Variants in NME1 observed in about 807,000 individuals in gnomAD.
NME1 encodes the protein nucleoside diphosphate kinase A.
Under a neutral mutation model 17.2 loss-of-function variants are expected in NME1, and 9 were observed. The observed-to-expected ratio is 0.52, with a 90% confidence interval of 0.32 to 0.92. The LOEUF (loss-of-function observed/expected upper bound fraction) is 0.92, where lower values mean the gene tolerates loss of function less well. Ranked by LOEUF, NME1 falls within the 40% of genes least tolerant of loss-of-function variation. The pLI is 0.04. For synonymous variants in NME1, 72 were observed against 70.8 expected (o/e 1.02, Z -0.09); for missense variants, 169 against 201.7 (o/e 0.84, Z 0.98).
intron 2 of NME1, chr17:51,156,249 A>G (rs2144860123): frequency 4.6e-6 from 1 of 216,022 alleles, no homozygotes; most frequent in Admixed American, 5.3e-5. Context: ...GTGGAGGAAA[A>G]CTATGGTTTT....
At chr17:51,155,363 A>G (rs1056439166) in intron 1 of NME1, among the ~76,000 whole-genome samples, 5 of 152,262 alleles carry the variant, frequency 3.3e-5, no homozygotes, top group African/African-American at 7.2e-5. Context: ...AGCGTGGGCA[A>G]CATAGCGAAA....
At chr17:51,154,412 C>A (rs1203761998) in intron 1 of NME1, 2 of 1,613,998 alleles carry the variant, frequency 1.2e-6, no homozygotes, top group Non-Finnish European at 1.7e-6. Flanking sequence ...TCTTTCAAGG[C>A]GAGGGGCCTC....
In NME1 at chr17:51,155,633, C is replaced by T. The variant is rs950417624; in HGVS notation, c.-4-18C>T. The T allele has an allele frequency of 3.1e-6, 5 of 1,613,158 alleles. No homozygotes were observed. Among genetic ancestry groups the T allele is most frequent in the East Asian group, 2.2e-5 (1 of 44,870 alleles). On this transcript the variant is annotated intron_variant, in intron 1 of 4. Coordinates refer to ENST00000393196, the MANE Select transcript of NME1 (RefSeq NM_000269.3). The stretch of plus-strand genomic sequence containing the variant: ...AGTGATTCACTGCTGTTTCATTCCT[C>T]TACCTGCCTATCCCCAGAACCATGG...
intron 2 of NME1, among the ~76,000 whole-genome samples, chr17:51,159,582 G>C (rs916027903): frequency 2.6e-5 from 4 of 152,094 alleles, no homozygotes; most frequent in African/African-American, 9.7e-5. Flanking sequence ...GGGTGACAGA[G>C]GGAGACTCTG....
chr17:51,160,920 A>C (rs571001894), intron 3 of NME1, among the ~76,000 whole-genome samples: 1 of 152,102 alleles, frequency 6.6e-6, no homozygotes, highest in East Asian at 1.9e-4. Flanking sequence ...CACACTTGGC[A>C]TTTTAAGGAG....
Position 51,161,286 on chromosome 17 carries a change from A to AT in NME1, c.341+19dup, listed in dbSNP as rs2049861813. Reference sequence around the variant, plus strand: ...ACAAGTTGGCAGGTGAGATTTTGGTATTTTTCCCCCTTTTCCAAAATCTGA... The same window carrying AT: ...ACAAGTTGGCAGGTGAGATTTTGGTATTTTTTCCCCCTTTTCCAAAATCTGA... On this transcript the variant is annotated intron_variant, in intron 4 of 4. Transcript: ENST00000393196. 3.8e-6 allele frequency: 6 copies of AT among 1,591,464 alleles called. No individual in the cohort carries two copies. The highest frequency in any genetic ancestry group is 1.8e-5 in the Admixed American group (1 of 56,030).
intron 1 of NME1, chr17:51,154,445 G>A: frequency 1.2e-6 from 2 of 1,613,888 alleles, no homozygotes; most frequent in Non-Finnish European, 1.7e-6. Context: ...GTGATACAGG[G>A]TAGGTCATGA....
At chr17:51,154,265 AG>A in intron 1 of NME1, 1 of 977,266 alleles carries the variant, frequency 1.0e-6, no homozygotes, top group Non-Finnish European at 1.7e-6. Flanking sequence ...CACAGGACTA[AG>A]TCAGCCTGGT....
rs1271539532 is a variant in NME1, at chr17:51,155,517, G to C, written c.-4-134G>C. The C allele has an allele frequency of 3.1e-6, 4 of 1,311,420 alleles. No individual in the cohort carries two copies. In the East Asian group the frequency reaches 1.0e-4, roughly 34 times the overall value. The allele number at this position is 1,311,420 out of a possible 1,614,324, so 81.2% of individuals were successfully genotyped here. Reference sequence around the variant, plus strand: ...AGATCAGGGGACTGGGGAGGAATTGGGTTTTTACCAGAGGGAGACCTGGAG... The same window carrying C: ...AGATCAGGGGACTGGGGAGGAATTGCGTTTTTACCAGAGGGAGACCTGGAG... On this transcript the variant is annotated intron_variant, in intron 1 of 4. Coordinates refer to ENST00000393196, the MANE Select transcript of NME1 (RefSeq NM_000269.3).
At chr17:51,156,086 C>G (rs11868380) in intron 2 of NME1, 67,662 of 361,584 alleles carry the variant, frequency 0.19, 6,843 homozygotes, top group Non-Finnish European at 0.21. Flanking sequence ...TGTTTGAGTT[C>G]TTGGTCTTGA....
At chr17:51,159,930 TGTCC>T (rs761067102) in intron 2 of NME1, 46 bp from the exon 3 acceptor site, 2 of 1,605,548 alleles carry the variant, frequency 1.2e-6, no homozygotes, top group South Asian at 2.2e-5. Context: ...ATGGATTATA[TGTCC>T]TTAGATGGTT....
intron 2 of NME1, among the ~76,000 whole-genome samples, chr17:51,157,371 G>A (rs563216915): frequency 6.6e-6 from 1 of 152,230 alleles, no homozygotes; most frequent in South Asian, 2.1e-4. Flanking sequence ...GCAAGAGAGT[G>A]CAAGAGTGAG....
chr17:51,154,146 T>A (rs1425525293), intron 1 of NME1: 1 of 540,950 alleles, frequency 1.8e-6, no homozygotes, highest in Non-Finnish European at 3.3e-6. Context: ...GTCTTTGGGC[T>A]TTGTCTCTCT....
intron 1 of NME1, chr17:51,154,381 T>C (rs2049753141): frequency 1.2e-6 from 2 of 1,613,966 alleles, no homozygotes; most frequent in South Asian, 1.1e-5. Flanking sequence ...GAGATGGTGC[T>C]ACTGTCTACT....
chr17:51,158,636 GTGA>G (rs1182021907), intron 2 of NME1, among the ~76,000 whole-genome samples: 2 of 152,196 alleles, frequency 1.3e-5, no homozygotes, highest in African/African-American at 4.8e-5. Flanking sequence ...ACTTTGGCAA[GTGA>G]TGATAACTGG....
At chr17:51,154,316 CA>C (rs766934029) in intron 1 of NME1, 4 of 1,519,028 alleles carry the variant, frequency 2.6e-6, no homozygotes, top group Non-Finnish European at 3.7e-6. Context: ...AATTGGACTA[CA>C]GTGCTAAGAT....
chr17:51,161,704 G>A, intron 4 of NME1, 24 bp from the exon 5 acceptor site: 1 of 1,550,974 alleles, frequency 6.4e-7, no homozygotes, highest in Non-Finnish European at 8.9e-7. Context: ...TCTTGGTCAT[G>A]TGACTATCTC....
Position 51,154,317 on chromosome 17 carries a change from A to G in NME1, c.-5+655A>G, listed in dbSNP as rs927707502. ...ACACACAAACAGAAAATTGGACTAC[A>G]GTGCTAAGATGCTGTAAGAAGAGGT... On this transcript the variant is annotated intron_variant, in intron 1 of 4. Coordinates refer to ENST00000393196, the MANE Select transcript of NME1 (RefSeq NM_000269.3). 2.0e-6 allele frequency: 3 copies of G among 1,523,578 alleles called. No homozygotes were observed. In the African/African-American group the frequency reaches 4.1e-5, roughly 21 times the overall value. The allele number at this position is 1,523,578 out of a possible 1,614,324, so 94.4% of individuals were successfully genotyped here. A position where few individuals can be genotyped will look rare whatever the true frequency, so the allele number is the denominator to read the frequency against.
chr17:51,161,689 T>C, intron 4 of NME1, 39 bp from the exon 5 acceptor site: 1 of 1,465,250 alleles, frequency 6.8e-7, no homozygotes, highest in Non-Finnish European at 9.6e-7. Context: ...TTTTAATCCT[T>C]CTGGTCTTGG....
Sources: allele counts gnomAD v4.1 joint callset (sites outside exome capture counted in the v4.1 genomes callset), GRCh38; gene constraint gnomAD v4.1.1; transcripts MANE v1.5; gene names NCBI Gene and HGNC (gene_info 2026-07-23, HGNC 2026-07-21).